ZNF518A: variants seen among roughly 807,000 people sequenced by gnomAD.
ZNF518A encodes zinc finger protein 518A.
In ZNF518A, 47 loss-of-function variants were observed where a neutral mutation model predicts 102.7. The observed-to-expected ratio is 0.46, with a 90% CI of 0.36 to 0.58. ZNF518A has a LOEUF of 0.58. Among genes scored for constraint, ZNF518A ranks in the 20% least tolerant of loss-of-function variants. ZNF518A has a pLI of 0.00. For missense variants in ZNF518A, 1,793 were observed against 1,699.8 expected (o/e 1.05, Z -0.96); for synonymous variants, 652 against 594.6 (o/e 1.10, Z -1.40).
chr10:96,186,080 G>A (rs782370930), intron 1 of ZNF518A, among the ~76,000 whole-genome samples: 3 of 152,188 alleles, frequency 2.0e-5, no homozygotes, highest in Admixed American at 6.5e-5. Flanking sequence ...CATTGGAAAA[G>A]TGCACTATTT....
intron 1 of ZNF518A, chr10:96,201,162 C>G (rs1297633891): frequency 9.6e-7 from 1 of 1,045,462 alleles, no homozygotes; most frequent in Non-Finnish European, 1.5e-6. Flanking sequence ...GACACATCCA[C>G]CAAAAAAAAT....
downstream of ZNF518A, chr10:96,204,853 T>A (rs1308904421): frequency 2.1e-6 from 1 of 478,256 alleles, no homozygotes; most frequent in East Asian, 4.2e-5. Flanking sequence ...TCTGCATTCA[T>A]CCACTGGCAA....
At chr10:96,194,831 C>A (rs987007891) in intron 1 of ZNF518A, among the ~76,000 whole-genome samples, 1 of 135,414 alleles carries the variant, frequency 7.4e-6, no homozygotes. Context: ...AGTGCAGTGG[C>A]GCGATCTCGA....
chr10:96,171,657 A>G (rs2083174508), intron 1 of ZNF518A, among the ~76,000 whole-genome samples: 1 of 152,210 alleles, frequency 6.6e-6, no homozygotes, highest in Non-Finnish European at 1.5e-5. Flanking sequence ...TGTGTGAATT[A>G]TATGGTATGC....
upstream of ZNF518A, chr10:96,130,234 G>A (rs2081252497): frequency 2.0e-5 from 3 of 152,598 alleles, no homozygotes; most frequent in African/African-American, 7.2e-5. Context: ...ACAGGTCCAG[G>A]GATCCGCCTC....
Position 96,159,513 on chromosome 10 carries a change from T to C in ZNF518A, c.3191T>C (p.Ile1064Thr), listed in dbSNP as rs1554886156. The change falls in exon 6 of 6, where the codon ATT becomes ACT. Residue 1064 changes from isoleucine to threonine, a missense_variant. Ile to Thr is a moderately conservative substitution (Grantham distance 89, BLOSUM62 -1). This residue lies in a region of ZNF518A where 1,741 missense variants were observed against 1,622.6 expected (regional missense o/e 1.07). Coordinates refer to ENST00000316045, the MANE Select transcript of ZNF518A (RefSeq NM_001330736.2). ...KPTSSVKAVL[I>T]PNMLSEQQST... is the part of the protein sequence containing the mutation. ...ACGAGTTCTGTGAAAGCTGTTCTTATTCCTAACATGCTATCTGAGCAACAG... is the reference window on the plus strand; with the variant it reads ...ACGAGTTCTGTGAAAGCTGTTCTTACTCCTAACATGCTATCTGAGCAACAG... 4 of 1,613,880 alleles carry C rather than the reference T, an allele frequency of 2.5e-6. No homozygotes were observed. The highest frequency in any genetic ancestry group is 1.3e-5 in the African/African-American group (1 of 75,058).
chr10:96,131,417 C>G (rs1356822241), intron 1 of ZNF518A, among the ~76,000 whole-genome samples: 1 of 152,142 alleles, frequency 6.6e-6, no homozygotes, highest in East Asian at 1.9e-4. Flanking sequence ...CACTATCTTT[C>G]AGCAAAATTG....
downstream of ZNF518A, among the ~76,000 whole-genome samples, chr10:96,165,155 A>T (rs180958162): frequency 1.3e-5 from 2 of 152,230 alleles, no homozygotes; most frequent in East Asian, 3.9e-4. Flanking sequence ...ATGGAGTCTC[A>T]CTCTGTTCCC....
intron 3 of ZNF518A, among the ~76,000 whole-genome samples, chr10:96,152,169 G>A (rs755663503): frequency 6.6e-5 from 10 of 152,034 alleles, no homozygotes; most frequent in Middle Eastern, 3.4e-3. Context: ...AAAAATTAGC[G>A]GACTGTGATG....
chr10:96,168,077 G>A (rs115093343), downstream of ZNF518A, among the ~76,000 whole-genome samples: 2,076 of 152,158 alleles, frequency 0.014, 42 homozygotes, highest in African/African-American at 0.047. Flanking sequence ...TTATAATTAC[G>A]CAGTTTTAAA....
At chr10:96,184,247 CTT>C (rs1564804339) in intron 1 of ZNF518A, among the ~76,000 whole-genome samples, 1 of 152,176 alleles carries the variant, frequency 6.6e-6, no homozygotes, top group African/African-American at 2.4e-5. Context: ...GGTCTTGACT[CTT>C]TATCCAATTT....
intron 1 of ZNF518A, among the ~76,000 whole-genome samples, chr10:96,175,759 C>A (rs782597677): frequency 1.1e-4 from 16 of 152,038 alleles, no homozygotes; most frequent in Non-Finnish European, 5.9e-5. Flanking sequence ...CTCAGGAAGA[C>A]CATATATTTG....
At chr10:96,134,553 T>C (rs2081505346) in intron 3 of ZNF518A, among the ~76,000 whole-genome samples, 1 of 152,184 alleles carries the variant, frequency 6.6e-6, no homozygotes, top group South Asian at 2.1e-4. Flanking sequence ...GCATTTTGGT[T>C]AAGGAATATT....
At chr10:96,145,999 A>G (rs1308831022) in intron 3 of ZNF518A, among the ~76,000 whole-genome samples, 1 of 152,150 alleles carries the variant, frequency 6.6e-6, no homozygotes, top group Non-Finnish European at 1.5e-5. Context: ...ACATTTTTGT[A>G]TGTGTATTCT....
chr10:96,193,299 T>TA, intron 1 of ZNF518A, among the ~76,000 whole-genome samples: 1 of 152,338 alleles, frequency 6.6e-6, no homozygotes, highest in Admixed American at 6.5e-5. Context: ...AGTTGAAAGT[T>TA]AAAGTTATGG....
At chr10:96,174,853 C>T (rs1268011127) in intron 1 of ZNF518A, among the ~76,000 whole-genome samples, 6 of 152,114 alleles carry the variant, frequency 3.9e-5, no homozygotes, top group African/African-American at 1.4e-4. Context: ...TATGTTGGTG[C>T]TTTAACCTCC....
chr10:96,169,274 T>C (rs747870914), intron 1 of ZNF518A, among the ~76,000 whole-genome samples: 2 of 152,314 alleles, frequency 1.3e-5, no homozygotes, highest in Middle Eastern at 3.4e-3. Context: ...CAAAACACTG[T>C]GATTACAGGT....
Position 96,158,215 on chromosome 10 carries a change from C to G in ZNF518A, c.1893C>G (p.Ser631=), listed in dbSNP as rs1554884361. Residue 631 remains serine (S), a synonymous_variant, in exon 6 of 6, where the codon TCC becomes TCG. Coordinates refer to ENST00000316045, the MANE Select transcript of ZNF518A (RefSeq NM_001330736.2). ...GCAACTGTGAGTTACCTGTTGAATC[C>G]TCCAACCAAGGATCATTACCTTTTC... ...NYGNCELPVE[S]SNQGSLPFHN... The G allele has an allele frequency of 1.9e-6, 3 of 1,613,684 alleles. No homozygotes were observed. The highest frequency in any genetic ancestry group is 3.3e-5 in the Admixed American group (2 of 59,964).
Position 96,156,383 on chromosome 10 carries a change from T to G in ZNF518A, c.61T>G (p.Tyr21Asp), listed in dbSNP as rs782297112. ...DEKQTTLKKD[Y>D]DVKNEIVDRS... ...AAAACAAACTACTTTAAAAAAAGAT[T>G]ATGATGTGAAAAATGAGATAGTTGA... Residue 21 changes from tyrosine (Y) to aspartate (D), a missense_variant, in exon 6 of 6, where the codon TAT becomes GAT. Tyr to Asp is a radical substitution (Grantham distance 160). Coordinates refer to ENST00000316045, the MANE Select transcript of ZNF518A (RefSeq NM_001330736.2). 2 of 1,601,984 alleles carry G rather than the reference T, an allele frequency of 1.2e-6. No individual in the cohort carries two copies. The highest frequency in any genetic ancestry group is 1.1e-5 in the South Asian group (1 of 87,502).
Sources: gnomAD v4.1 joint callset for allele counts (sites outside exome capture counted in the v4.1 genomes callset) on GRCh38, gnomAD v4.1.1 for gene constraint, gnomAD v4.1.1 regional missense constraint, MANE v1.5 for transcripts, NCBI Gene and HGNC (gene_info 2026-07-23, HGNC 2026-07-21) for gene names.